RARB: variants seen among roughly 807,000 people sequenced by gnomAD.
The protein encoded by RARB is retinoic acid receptor beta.
Under a neutral mutation model 51.9 loss-of-function variants are expected in RARB, and 17 were observed. The ratio of observed to expected loss-of-function variants is 0.33; its 90% CI spans 0.22 to 0.49. The LOEUF (loss-of-function observed/expected upper bound fraction) is 0.49. RARB is among the 20% of genes least tolerant of loss of function. The pLI, the probability that RARB is intolerant of heterozygous loss-of-function variation, is 0.99. For missense variants in RARB, 369 were observed against 550.8 expected (o/e 0.67, Z 3.30); for synonymous variants, 215 against 195.4 (o/e 1.10, Z -0.84).
chr3:25,235,194 A>C (rs940576077), intron 5 of RARB, among the ~76,000 whole-genome samples: 3 of 152,108 alleles, frequency 2.0e-5, no homozygotes, highest in African/African-American at 4.8e-5. Flanking sequence ...ATCTGCCTGC[A>C]GTTGTTTACT....
intron 5 of RARB, among the ~76,000 whole-genome samples, chr3:25,176,209 G>A (rs1700739646): frequency 6.6e-6 from 1 of 151,846 alleles, no homozygotes; most frequent in Non-Finnish European, 1.5e-5. Context: ...AAACTCTAAG[G>A]CAGCCTGAAA....
intron 5 of RARB, among the ~76,000 whole-genome samples, chr3:25,270,072 A>G (rs1470101823): frequency 6.6e-6 from 1 of 152,220 alleles, no homozygotes; most frequent in African/African-American, 2.4e-5. Flanking sequence ...CAGAAAATGC[A>G]GCATCTTCTA....
At chr3:25,343,456 C>T (rs1575327168) in intron 5 of RARB, among the ~76,000 whole-genome samples, 1 of 146,544 alleles carries the variant, frequency 6.8e-6, no homozygotes. Flanking sequence ...TCATTTCTGG[C>T]TTTTTTTTTT....
intron 5 of RARB, among the ~76,000 whole-genome samples, chr3:25,362,378 G>T (rs1183655463): frequency 2.0e-5 from 3 of 152,198 alleles, no homozygotes; most frequent in East Asian, 3.9e-4. Flanking sequence ...TCAGACTGCT[G>T]TGCTGGCTGC....
chr3:25,266,795 A>G (rs951801940), intron 5 of RARB, among the ~76,000 whole-genome samples: 3 of 152,242 alleles, frequency 2.0e-5, no homozygotes, highest in Non-Finnish European at 4.4e-5. Flanking sequence ...TCCCTGCCAT[A>G]TAAGGAAACA....
intron 5 of RARB, among the ~76,000 whole-genome samples, chr3:25,185,479 G>C (rs1700954058): frequency 6.6e-6 from 1 of 152,050 alleles, no homozygotes; most frequent in Admixed American, 6.6e-5. Flanking sequence ...AATATTAATT[G>C]CTTAACGGTT....
intron 5 of RARB, among the ~76,000 whole-genome samples, chr3:25,340,639 A>G (rs1361534083): frequency 6.6e-6 from 1 of 152,190 alleles, no homozygotes. Flanking sequence ...GCAGGAAATA[A>G]ATACTTTGCC....
intron 5 of RARB, among the ~76,000 whole-genome samples, chr3:25,585,016 C>G (rs569851648): frequency 2.0e-5 from 3 of 151,874 alleles, no homozygotes; most frequent in South Asian, 4.2e-4. Flanking sequence ...TTCAGCTTGC[C>G]CCAGCTGTTG....
intron 3 of RARB, among the ~76,000 whole-genome samples, chr3:25,521,639 C>T (rs186911830): frequency 2.0e-5 from 3 of 152,210 alleles, no homozygotes; most frequent in African/African-American, 7.2e-5. Flanking sequence ...TATTAAAAAG[C>T]ACTAGGCTGA....
At chr3:24,928,475 G>T (rs975550122) in intron 2 of RARB, among the ~76,000 whole-genome samples, 1 of 151,982 alleles carries the variant, frequency 6.6e-6, no homozygotes, top group African/African-American at 2.4e-5. Flanking sequence ...TGTACTTAAA[G>T]GAATCTTCTT....
At chr3:25,077,024 T>C (rs528659687) in intron 3 of RARB, among the ~76,000 whole-genome samples, 1 of 152,328 alleles carries the variant, frequency 6.6e-6, no homozygotes, top group African/African-American at 2.4e-5. Context: ...AAGGAGCAAC[T>C]TCTGTTGAAG....
chr3:24,865,451 C>T lies in RARB; in HGVS notation c.-380+6699C>T, dbSNP rs1439132018. Reference sequence around the variant, plus strand: ...ACAATACCCAGTGTAGTAGAAACTTCTGTTATCCCCATTTTCCAGATGAGC... The same window carrying T: ...ACAATACCCAGTGTAGTAGAAACTTTTGTTATCCCCATTTTCCAGATGAGC... On this transcript the variant is annotated intron_variant, in intron 2 of 11. Transcript: ENST00000383772. Among the ~76,000 whole-genome samples the T allele has an allele frequency of 2.6e-5, 4 of 152,104 alleles. No individual in the cohort carries two copies. The South Asian group carries it at 8.3e-4, about 31-fold the overall frequency.
chr3:25,066,272 T>A (rs1698660027), intron 3 of RARB, among the ~76,000 whole-genome samples: 1 of 152,208 alleles, frequency 6.6e-6, no homozygotes, highest in Non-Finnish European at 1.5e-5. Context: ...TTTTGATGAC[T>A]TGAATTGGTT....
chr3:25,125,105 G>A (rs7643079), intron 3 of RARB, among the ~76,000 whole-genome samples: 73,977 of 151,914 alleles, frequency 0.49, 18,468 homozygotes, highest in East Asian at 0.69. Context: ...ATTTAAAGTG[G>A]GAGGCCTCAA....
At chr3:24,971,114 T>A (rs2125417686) in intron 2 of RARB, among the ~76,000 whole-genome samples, 1 of 152,088 alleles carries the variant, frequency 6.6e-6, no homozygotes, top group Middle Eastern at 3.4e-3. Context: ...TCCTAACAGG[T>A]GAGATCATAT....
At chr3:24,954,452 T>A (rs1370763812) in intron 2 of RARB, among the ~76,000 whole-genome samples, 1 of 152,134 alleles carries the variant, frequency 6.6e-6, no homozygotes, top group East Asian at 1.9e-4. Flanking sequence ...AAATCAGAAG[T>A]CAAGGTCTGA....
chr3:25,259,205 T>C (rs1702939190), intron 5 of RARB: 3 of 557,336 alleles, frequency 5.4e-6, no homozygotes. Context: ...GACATCTCGT[T>C]TCCACCAATG....
At chr3:25,006,372 A>G (rs540154722) in intron 2 of RARB, among the ~76,000 whole-genome samples, 16 of 152,300 alleles carry the variant, frequency 1.1e-4, no homozygotes, top group Middle Eastern at 3.4e-3. Flanking sequence ...TTATAGTAGG[A>G]GATAAATACC....
chr3:25,398,439 C>T (rs190279858), intron 5 of RARB, among the ~76,000 whole-genome samples: 2 of 152,240 alleles, frequency 1.3e-5, no homozygotes, highest in Admixed American at 6.5e-5. Context: ...ATCACTAAGA[C>T]AAAACAAGAA....
Sources: gnomAD v4.1 joint callset for allele counts (sites outside exome capture counted in the v4.1 genomes callset) on GRCh38, gnomAD v4.1.1 for gene constraint, MANE v1.5 for transcripts, NCBI Gene and HGNC (gene_info 2026-07-23, HGNC 2026-07-21) for gene names.